Variants in TRPV2 observed in about 807,000 individuals in gnomAD.
TRPV2 encodes transient receptor potential cation channel subfamily V member 2, also known as OTRPC2.
A neutral mutation model predicts 91.0 loss-of-function variants in TRPV2; 58 were observed. The ratio of observed to expected loss-of-function variants is 0.64; its 90% CI spans 0.52 to 0.79. TRPV2 has a LOEUF of 0.79. TRPV2 is among the 30% of genes least tolerant of loss of function. The pLI is 0.00. For missense variants in TRPV2, 807 were observed against 969.6 expected, an observed-to-expected ratio of 0.83 and a Z score of 2.23; for synonymous variants, 417 against 414.8, an observed-to-expected ratio of 1.01 and a Z score of -0.06.
chr17:16,425,902 G>A (rs997880941), intron 5 of TRPV2, among the ~76,000 whole-genome samples, 197 bp from the exon 6 acceptor site: 2 of 152,186 alleles, frequency 1.3e-5, no homozygotes, highest in Non-Finnish European at 2.9e-5. Context: ...GGCAGGCTGG[G>A]GCAGATGTGG....
Position 16,428,031 on chromosome 17 carries a change from G to A in TRPV2, c.1351-286G>A, listed in dbSNP as rs113847870. ...CCAAACGCAGGTTGGCTGGGGTATGGGTGCTCCCTGTGAGGCCAGGGAGAA... is the reference window on the plus strand; with the variant it reads ...CCAAACGCAGGTTGGCTGGGGTATGAGTGCTCCCTGTGAGGCCAGGGAGAA... On this transcript the variant is annotated intron_variant, in intron 8 of 14. Transcript: ENST00000338560. Among the ~76,000 whole-genome samples the A allele has an allele frequency of 3.5e-3, 537 of 152,288 alleles. 2 individuals are homozygous for A. The highest frequency in any genetic ancestry group is 0.012 in the African/African-American group (506 of 41,566).
intron 14 of TRPV2, among the ~76,000 whole-genome samples, chr17:16,436,356 C>T (rs1214860779): frequency 1.3e-5 from 2 of 152,232 alleles, no homozygotes; most frequent in African/African-American, 4.8e-5. Context: ...CCCACACCTC[C>T]ATCCACATGT....
Position 16,423,731 on chromosome 17 carries a change from G to T in TRPV2, c.888G>T (p.Thr296=). Residue 296 remains threonine, a synonymous_variant, in exon 5 of 15, where the codon ACG becomes ACT. Coordinates refer to ENST00000338560, the MANE Select transcript of TRPV2 (RefSeq NM_016113.5). ...ACATCCGCAACCTGCAGGATCTCAC[G>T]CCTCTGAAGCTGGCCGCCAAGGAGG... ...LEDIRNLQDL[T]PLKLAAKEGK... 1 of 1,596,454 alleles carries T rather than the reference G, an allele frequency of 6.3e-7. No individual in the cohort carries two copies. The highest frequency in any genetic ancestry group is 8.6e-7 in the Non-Finnish European group (1 of 1,167,154).
In TRPV2 at chr17:16,419,968, G is replaced by A. The variant is rs964555019; in HGVS notation, c.201-147G>A. 2.2e-5 allele frequency: 25 copies of A among 1,162,446 alleles called. No individual in the cohort carries two copies. The African/African-American group carries it at 3.6e-4, about 17-fold the overall frequency. 72.0% of individuals were successfully genotyped at this position (1,162,446 alleles called of 1,614,324 possible). A position where few individuals can be genotyped will look rare whatever the true frequency, so the allele number is the denominator to read the frequency against. On this transcript the variant is annotated intron_variant, in intron 2 of 14. Transcript: ENST00000338560. ...CTAGGATGGCTCTAGGAGGATAGAG[G>A]CCCTCAGAAGGGCTCTCACTGGGCT... is the stretch of plus-strand genomic sequence containing the variant.
At chr17:16,431,290 T>TATAC (rs2093410919) in intron 10 of TRPV2, among the ~76,000 whole-genome samples, 4 of 20,570 alleles carry the variant, frequency 1.9e-4, no homozygotes, top group African/African-American at 5.2e-4. Context: ...TATATATACA[T>TATAC]ATTTTTTTTT....
In TRPV2 at chr17:16,431,768, G is replaced by A; in HGVS notation, c.1588-16G>A. ...GCCCAGCTACCCACCCTGGCCCCTG[G>A]GCACATGTGTTCCAGGTCATCCTGC... On this transcript the variant is annotated splice_polypyrimidine_tract_variant and intron_variant, in intron 10 of 14. Transcript: ENST00000338560. The A allele has an allele frequency of 6.2e-7, 1 of 1,614,000 alleles. No individual in the cohort carries two copies. Among genetic ancestry groups the A allele is most frequent in the Admixed American group, 1.7e-5 (1 of 60,026 alleles).
At chr17:16,436,731 C>G in intron 14 of TRPV2, 58 bp from the exon 15 acceptor site, 1 of 1,288,472 alleles carries the variant, frequency 7.8e-7, no homozygotes, top group Non-Finnish European at 1.1e-6. Context: ...TTCCCTGGTG[C>G]CTGCTTCCTG....
Position 16,426,231 on chromosome 17 carries a change from T to G in TRPV2, c.1057T>G (p.Ser353Ala), listed in dbSNP as rs745682996. The stretch of plus-strand genomic sequence containing the variant: ...TTCTGTGGACAGCTGTGAGGAGAAC[T>G]CAGTGCTGGAGATCATTGCCTTTCA... ...LASVDSCEEN[S>A]VLEIIAFHCK... Residue 353 changes from serine (S) to alanine (A), a missense_variant, in exon 6 of 15, where the codon TCA becomes GCA. Physicochemically the swap from Ser to Ala is moderately conservative, Grantham distance 99 (BLOSUM62 1). Transcript: ENST00000338560. This position sits in a 1 kb window ranked among gnomAD's most constrained non-coding sequence, Gnocchi z 6.0. 1 of 1,613,872 alleles carries G rather than the reference T, an allele frequency of 6.2e-7. No individual in the cohort carries two copies. The highest frequency in any genetic ancestry group is 8.5e-7 in the Non-Finnish European group (1 of 1,179,876).
chr17:16,416,733 C>T (rs1179319158), intron 1 of TRPV2: 2 of 152,272 alleles, frequency 1.3e-5, no homozygotes, highest in African/African-American at 2.4e-5. Context: ...GGTGTCAGAT[C>T]CGGCTCTGCC....
chr17:16,421,939 G>A (rs1429946574), intron 3 of TRPV2, among the ~76,000 whole-genome samples: 1 of 152,192 alleles, frequency 6.6e-6, no homozygotes, highest in Non-Finnish European at 1.5e-5. Context: ...AAGTGGTGGA[G>A]TCATGTACAA....
At chr17:16,420,805 G>A (rs776656170) in intron 3 of TRPV2, among the ~76,000 whole-genome samples, 16 of 152,136 alleles carry the variant, frequency 1.1e-4, no homozygotes, top group Non-Finnish European at 1.8e-4. Context: ...TTGGAGAGAT[G>A]GGGTTTTGCC....
intron 10 of TRPV2, 101 bp from the exon 11 acceptor site, chr17:16,431,683 C>A: frequency 9.8e-7 from 1 of 1,016,072 alleles, no homozygotes; most frequent in Non-Finnish European, 1.6e-6. Flanking sequence ...TGCGTATGTG[C>A]AGTGTACACG....
chr17:16,428,402 ACTC>A lies in TRPV2; in HGVS notation c.1421+21_1421+23del, dbSNP rs752735111. On this transcript the variant is annotated intron_variant, in intron 9 of 14. Coordinates refer to ENST00000338560, the MANE Select transcript of TRPV2 (RefSeq NM_016113.5). The stretch of plus-strand genomic sequence containing the variant: ...GAAATCCTCTTGTACGTGGGTTCTC[ACTC>A]CTCCTTCTCTCAACTGTCTCTGAGG... The A allele has an allele frequency of 1.4e-5, 22 of 1,612,536 alleles. No homozygotes were observed. The highest frequency in any genetic ancestry group is 1.7e-5 in the Non-Finnish European group (20 of 1,179,256).
Position 16,422,685 on chromosome 17 carries a change from A to T in TRPV2, c.421A>T (p.Ile141Phe). 1 of 1,612,884 alleles carries T rather than the reference A, an allele frequency of 6.2e-7. No homozygotes were observed. Among genetic ancestry groups the T allele is most frequent in the South Asian group, 1.1e-5 (1 of 90,768 alleles). The change falls in exon 4 of 15, where the codon ATC becomes TTC. Residue 141 changes from isoleucine to phenylalanine, a missense_variant. Coordinates refer to ENST00000338560, the MANE Select transcript of TRPV2 (RefSeq NM_016113.5). ...TGCCTGCATTCTGCCACTGCTGCAG[A>T]TCGACAGGGACTCTGGCAATCCTCA... ...VNACILPLLQIDRDSGNPQPL... is the reference protein window; with the variant it reads ...VNACILPLLQFDRDSGNPQPL...
intron 2 of TRPV2, among the ~76,000 whole-genome samples, 170 bp downstream of exon 2, chr17:16,418,038 C>G (rs1415061326): frequency 6.6e-6 from 1 of 152,224 alleles, no homozygotes; most frequent in Admixed American, 6.5e-5. Context: ...CTCTGCTCTG[C>G]CATCTGGCAT....
Position 16,432,362 on chromosome 17 carries a change from C to T in TRPV2, c.1989+62C>T, listed in dbSNP as rs767500085. The T allele has an allele frequency of 2.1e-4, 310 of 1,476,694 alleles. 1 individual carries two copies. The Middle Eastern group carries it at 6.5e-3, about 31-fold the overall frequency. 91.5% of individuals were successfully genotyped at this position (1,476,694 alleles called of 1,614,324 possible). ...CACACTCAGGCGGTGGGGAGTGCTC[C>T]GGACCCTGCGGAGCTGGGCCTTCCC... On this transcript the variant is annotated intron_variant, in intron 12 of 14. Coordinates refer to ENST00000338560, the MANE Select transcript of TRPV2 (RefSeq NM_016113.5).
At chr17:16,422,495 C>A in intron 3 of TRPV2, 104 bp from the exon 4 acceptor site, 1 of 1,189,032 alleles carries the variant, frequency 8.4e-7, no homozygotes, top group South Asian at 1.5e-5. Context: ...CTCTTTTAAT[C>A]CTCCCAAGGG....
Position 16,426,969 on chromosome 17 carries a change from T to C in TRPV2, c.1251+92T>C, listed in dbSNP as rs545663274. On this transcript the variant is annotated intron_variant, in intron 7 of 14. Transcript: ENST00000338560. This position sits in a 1 kb window ranked among gnomAD's most constrained non-coding sequence, Gnocchi z 6.0. ...ATGGGGCAGTAATAGTGCTGAGGCA[T>C]GGGCTGCTGGAGTGACATTCCCAAG... 32 of 1,426,446 alleles carry C rather than the reference T, an allele frequency of 2.2e-5. No individual in the cohort carries two copies. Among genetic ancestry groups the C allele is most frequent in the Non-Finnish European group, 2.8e-5 (29 of 1,051,330 alleles). 88.4% of individuals were successfully genotyped at this position (1,426,446 alleles called of 1,614,324 possible). A position where few individuals can be genotyped will look rare whatever the true frequency, so the allele number is the denominator to read the frequency against.
chr17:16,434,655 G>C (rs1230431024), intron 13 of TRPV2: 2 of 485,052 alleles, frequency 4.1e-6, no homozygotes, highest in South Asian at 6.1e-5. Context: ...AGGCTGCTGT[G>C]AACAGCCAGA....
Sources: gnomAD v4.1 joint callset for allele counts (sites outside exome capture counted in the v4.1 genomes callset) on GRCh38, gnomAD v4.1.1 for gene constraint, Gnocchi (gnomAD v3.1) non-coding constraint, MANE v1.5 for transcripts, NCBI Gene and HGNC (gene_info 2026-07-23, HGNC 2026-07-21) for gene names.